NACA: variants seen among roughly 807,000 people sequenced by gnomAD.
The protein encoded by NACA is nascent polypeptide-associated complex subunit alpha.
Under a neutral mutation model 86.4 loss-of-function variants are expected in NACA, and 42 were observed. That is an observed-to-expected ratio of 0.49 (90% CI 0.38 to 0.63). The LOEUF (loss-of-function observed/expected upper bound fraction) is 0.63. Ranked by LOEUF, NACA falls within the 20% of genes least tolerant of loss-of-function variation. The probability of loss-of-function intolerance (pLI) is 0.00; values close to 1 mark genes in which losing one functional copy is unlikely to be tolerated. For missense variants in NACA, 2,157 were observed against 2,483.6 expected, an observed-to-expected ratio of 0.87 and a Z score of 2.80; for synonymous variants, 898 against 973.7, an observed-to-expected ratio of 0.92 and a Z score of 1.45.
intron 3 of NACA, among the ~76,000 whole-genome samples, chr12:56,715,611 C>G (rs1011351287): frequency 6.6e-6 from 1 of 152,054 alleles, no homozygotes; most frequent in African/African-American, 2.4e-5. Flanking sequence ...GATGGCATGG[C>G]AGGCTCAGGG....
chr12:56,712,707 A>G, intron 8 of NACA, 79 bp downstream of exon 8: 2 of 1,606,610 alleles, frequency 1.2e-6, no homozygotes, highest in Admixed American at 1.7e-5. Context: ...TAATTGGCTG[A>G]TATTTAGCAA....
At position 56,717,245 on chromosome 12, in the gene NACA, AT is replaced by A; in HGVS notation, c.4284del (p.Ser1429ProfsTer10). 1.6e-6 allele frequency: 2 copies of A among 1,287,956 alleles called. No individual in the cohort carries two copies. The highest frequency in any genetic ancestry group is 2.0e-6 in the Non-Finnish European group (2 of 997,508). 79.8% of individuals were successfully genotyped at this position (1,287,956 alleles called of 1,614,324 possible). On this transcript the variant is annotated frameshift_variant, in exon 3 of 9. Transcript: ENST00000454682. LOFTEE classifies it high-confidence loss of function. ...GCTGGGGGAGTGAGATCTCCTTTGGATGGGGTGGCTGCGCCTTCTCTGGTGA... is the reference window on the plus strand; with the variant it reads ...GCTGGGGGAGTGAGATCTCCTTTGGAGGGGTGGCTGCGCCTTCTCTGGTGA... The part of the protein sequence containing the change: ...TPVTREGAAT[P>X]SKGDLTPPAV...
intron 2 of NACA, 61 bp from the exon 3 acceptor site, chr12:56,721,520 T>C (rs868815285): frequency 5.2e-6 from 6 of 1,161,010 alleles, no homozygotes; most frequent in African/African-American, 1.5e-5. Flanking sequence ...AGGTGAGTTA[T>C]GCAGCCCAAC....
At chr12:56,724,405 C>G (rs1565900918) in intron 2 of NACA, 47 bp downstream of exon 2, 2 of 1,561,602 alleles carry the variant, frequency 1.3e-6, no homozygotes, top group African/African-American at 1.4e-5. Flanking sequence ...CACCAAATGG[C>G]TTTAGGGTTA....
rs1313024028 is a variant in NACA, at chr12:56,716,432, T to C, written c.5098A>G (p.Thr1700Ala). 6.3e-7 allele frequency: 1 copy of C among 1,587,844 alleles called. No individual in the cohort carries two copies. Among genetic ancestry groups the C allele is most frequent in the Non-Finnish European group, 8.6e-7 (1 of 1,163,922 alleles). Residue 1700 changes from threonine to alanine, a missense_variant, in exon 3 of 9, where the codon ACT (threonine) becomes GCT (alanine). Physicochemically the swap from Thr to Ala is moderately conservative, Grantham distance 58 (BLOSUM62 0). Coordinates refer to ENST00000454682, the MANE Select transcript of NACA (RefSeq NM_001365896.1). ...PESTPIITAP[T>A]RKGPQTKKSS... Reference sequence around the variant, plus strand: ...TTTTTGGTCTGTGGACCTTTCCGAGTGGGAGCTGTGATGATTGGCGTGCTT... The same window carrying C: ...TTTTTGGTCTGTGGACCTTTCCGAGCGGGAGCTGTGATGATTGGCGTGCTT...
rs370676194 is a variant in NACA at position 56,720,131 on chromosome 12, T to C, written c.1399A>G (p.Met467Val). 5.8e-5 allele frequency: 94 copies of C among 1,613,704 alleles called. 1 individual carries two copies. The highest frequency in any genetic ancestry group is 4.7e-4 in the South Asian group (43 of 91,070). ...ATGTTACTTATGGGACCTGATGACA[T>C]TGGAGGAGAAACACAAGTAGCTACC... ...FEVATCVSPP[M>V]SSGPISNIEP... Residue 467 changes from methionine (M) to valine (V), a missense_variant, in exon 3 of 9, where the codon ATG becomes GTG. Met to Val is a conservative substitution (Grantham distance 21). Around this residue, in one of 8 missense-constraint regions of NACA, gnomAD observed 947 missense variants for 917.9 expected, o/e 1.03. Transcript: ENST00000454682.
At chr12:56,714,864 C>T (rs914590257) in intron 3 of NACA, 177 bp from the exon 4 acceptor site, 14 of 614,364 alleles carry the variant, frequency 2.3e-5, no homozygotes, top group African/African-American at 7.4e-5. Context: ...CACTAACTAG[C>T]GGGTACACAT....
Position 56,713,686 on chromosome 12 carries a change from AAAG to A in NACA, c.5824-6_5824-4del, listed in dbSNP as rs758335145. 5 of 1,613,526 alleles carry A rather than the reference AAAG, an allele frequency of 3.1e-6. No homozygotes were observed. In the East Asian group the frequency reaches 6.7e-5, roughly 22 times the overall value. On this transcript the variant is annotated splice_region_variant and splice_polypyrimidine_tract_variant and intron_variant, in intron 5 of 8. Coordinates refer to ENST00000454682, the MANE Select transcript of NACA (RefSeq NM_001365896.1). ...CGAAGACCCAGTTTGGACATAGCCT[AAAG>A]AAGAGAAAATAGTATCAGGTTTTCA...
chr12:56,715,913 G>C lies in NACA; in HGVS notation c.5617C>G (p.Pro1873Ala), dbSNP rs1400286913. The change falls in exon 3 of 9, where the codon CCA (proline) becomes GCA (alanine). Residue 1873 changes from proline (P) to alanine (A), a missense_variant. Pro to Ala is a conservative substitution (Grantham distance 27). This residue lies in a region of NACA where 797 missense variants were observed against 777.6 expected (regional missense o/e 1.02). Coordinates refer to ENST00000454682, the MANE Select transcript of NACA (RefSeq NM_001365896.1). ...ACAGGTTGCTTGGCAGAGGGGGTTG[G>C]GACAGGGATTCCAGCAGATTTAGGG... Reference protein sequence around the residue: ...PTPKSAGIPVPTPSAKQPVTK... With the variant: ...PTPKSAGIPVATPSAKQPVTK... 14 of 1,521,698 alleles carry C rather than the reference G, an allele frequency of 9.2e-6. No individual in the cohort carries two copies. The highest frequency in any genetic ancestry group is 1.1e-5 in the Non-Finnish European group (13 of 1,135,142). 94.3% of individuals were successfully genotyped at this position (1,521,698 alleles called of 1,614,324 possible). A position where few individuals can be genotyped will look rare whatever the true frequency, so the allele number is the denominator to read the frequency against.
At chr12:56,724,407 T>G in intron 2 of NACA, 45 bp downstream of exon 2, 2 of 1,560,782 alleles carry the variant, frequency 1.3e-6, no homozygotes, top group Non-Finnish European at 1.7e-6. Context: ...CCAAATGGCT[T>G]TAGGGTTAAT....
chr12:56,715,556 T>C (rs541218558), intron 3 of NACA, among the ~76,000 whole-genome samples: 24 of 152,044 alleles, frequency 1.6e-4, no homozygotes, highest in Non-Finnish European at 2.6e-4. Context: ...AATGAAAAGG[T>C]CTGGCAGGTC....
At chr12:56,724,660 C>T (rs1331118788) in intron 1 of NACA, 137 bp from the exon 2 acceptor site, 1 of 829,736 alleles carries the variant, frequency 1.2e-6, no homozygotes, top group Admixed American at 2.6e-5. Context: ...ACAACCTTCC[C>T]CAAAGCACCT....
chr12:56,723,355 T>C (rs1409182229), intron 2 of NACA, among the ~76,000 whole-genome samples: 1 of 152,252 alleles, frequency 6.6e-6, no homozygotes, highest in Non-Finnish European at 1.5e-5. Flanking sequence ...TTCATCTGAA[T>C]TTCAAATCTT....
In NACA at chr12:56,714,446, A is replaced by T. The variant is rs914557766; in HGVS notation, c.5746-7T>A. ...TTTCAGCTGCTGCCGCCAGCTAAGA[A>T]GATAAAACAGCTATTAGTTAACCAG... On this transcript the variant is annotated splice_polypyrimidine_tract_variant and splice_region_variant and intron_variant, in intron 4 of 8. Transcript: ENST00000454682. 6.2e-7 allele frequency: 1 copy of T among 1,613,822 alleles called. No individual in the cohort carries two copies. Among genetic ancestry groups the T allele is most frequent in the East Asian group, 2.2e-5 (1 of 44,884 alleles).
At chr12:56,724,744 C>T in intron 1 of NACA, 1 of 535,622 alleles carries the variant, frequency 1.9e-6, no homozygotes, top group South Asian at 2.3e-5. Context: ...ATTCTCAACC[C>T]GAGGGAGAGG....
At chr12:56,712,623 A>C in intron 8 of NACA, 71 bp from the exon 9 acceptor site, 1 of 1,599,792 alleles carries the variant, frequency 6.3e-7, no homozygotes, top group Non-Finnish European at 8.6e-7. Context: ...TAAAACTCTT[A>C]CAGGCAAATC....
In NACA at chr12:56,717,353, G is replaced by A. The variant is rs768229006; in HGVS notation, c.4177C>T (p.Pro1393Ser). 7.3e-7 allele frequency: 1 copy of A among 1,364,128 alleles called. No homozygotes were observed. Among genetic ancestry groups the A allele is most frequent in the Non-Finnish European group, 9.7e-7 (1 of 1,035,252 alleles). 84.5% of individuals were successfully genotyped at this position (1,364,128 alleles called of 1,614,324 possible). A position where few individuals can be genotyped will look rare whatever the true frequency, so the allele number is the denominator to read the frequency against. Residue 1393 changes from proline to serine, a missense_variant, in exon 3 of 9, where the codon CCA becomes TCA. Pro to Ser is a moderately conservative substitution (Grantham distance 74). Coordinates refer to ENST00000454682, the MANE Select transcript of NACA (RefSeq NM_001365896.1). ...TCCCCTTTGGGAGATGGGATAGCTGGTCCTCTTTTGGGGGAGGGAGGAGTC... is the reference window on the plus strand; with the variant it reads ...TCCCCTTTGGGAGATGGGATAGCTGATCCTCTTTTGGGGGAGGGAGGAGTC... ...AMTPPSPKRGPAIPSPKGDPT... is the reference protein window; with the variant it reads ...AMTPPSPKRGSAIPSPKGDPT...
chr12:56,714,649 C>G lies in NACA; in HGVS notation c.5698G>C (p.Glu1900Gln), dbSNP rs755039444. ...TESDSDESVP[E>Q]LEEQDSTQAT... ...TGGGTGGAATCCTGTTCTTCAAGCT[C>G]TGGTACTGATTCATCACTGTCAGAT... The change falls in exon 4 of 9, where the codon GAG becomes CAG. Residue 1900 changes from glutamate to glutamine, a missense_variant. Glu to Gln is a conservative substitution (Grantham distance 29). Around this residue, in one of 8 missense-constraint regions of NACA, gnomAD observed 797 missense variants for 777.6 expected, o/e 1.02. Transcript: ENST00000454682. 1.9e-6 allele frequency: 3 copies of G among 1,614,046 alleles called. No homozygotes were observed. Among genetic ancestry groups the G allele is most frequent in the Non-Finnish European group, 2.5e-6 (3 of 1,180,026 alleles).
At chr12:56,723,179 C>G (rs898199029) in intron 2 of NACA, among the ~76,000 whole-genome samples, 1 of 152,186 alleles carries the variant, frequency 6.6e-6, no homozygotes, top group Non-Finnish European at 1.5e-5. Context: ...CTTCTTCATT[C>G]TAATAGACTA....
Sources: allele counts gnomAD v4.1 joint callset (sites outside exome capture counted in the v4.1 genomes callset), GRCh38; gene constraint gnomAD v4.1.1; regional missense constraint gnomAD v4.1.1; transcripts MANE v1.5; gene names NCBI Gene and HGNC (gene_info 2026-07-23, HGNC 2026-07-21).